HECW1: variants seen among roughly 807,000 people sequenced by gnomAD.
HECW1 encodes HECT, C2 and WW domain containing E3 ubiquitin protein ligase 1.
Under a neutral mutation model 182.3 loss-of-function variants are expected in HECW1, and 61 were observed. The observed-to-expected ratio is 0.33, with a 90% CI of 0.27 to 0.41. The LOEUF is 0.41. HECW1 is among the 10% of genes least tolerant of loss of function. The pLI is 1.00. For missense variants in HECW1, 1,739 were observed against 2,108.9 expected (o/e 0.82, Z 3.44); for synonymous variants, 859 against 832.6 (o/e 1.03, Z -0.55).
At chr7:43,281,894 C>T (rs534608613) in intron 3 of HECW1, among the ~76,000 whole-genome samples, 1 of 152,062 alleles carries the variant, frequency 6.6e-6, no homozygotes, top group East Asian at 1.9e-4. Context: ...TGGCATCCTG[C>T]ATGTGCAAGA....
At chr7:43,317,720 G>A (rs1287386824) in intron 4 of HECW1, among the ~76,000 whole-genome samples, 2 of 152,040 alleles carry the variant, frequency 1.3e-5, no homozygotes, top group Admixed American at 6.6e-5. Context: ...TTAGTGTGAG[G>A]GAAGGGGATG....
chr7:43,161,273 A>G (rs992595936), intron 2 of HECW1, among the ~76,000 whole-genome samples: 40 of 152,116 alleles, frequency 2.6e-4, no homozygotes, highest in African/African-American at 7.0e-4. Flanking sequence ...TATTGGTACA[A>G]TTATTTTTCA....
chr7:43,197,728 G>A (rs934402093), intron 2 of HECW1, among the ~76,000 whole-genome samples: 2 of 152,078 alleles, frequency 1.3e-5, no homozygotes, highest in African/African-American at 4.8e-5. Context: ...GCAGGTGGGG[G>A]ACTCTGACGA....
At chr7:43,429,967 C>T (rs946680654) in intron 8 of HECW1, among the ~76,000 whole-genome samples, 7 of 152,192 alleles carry the variant, frequency 4.6e-5, no homozygotes, top group Non-Finnish European at 8.8e-5. Context: ...ATCTAATCTC[C>T]ACTTCTAATT....
chr7:43,257,011 CA>C (rs1562743609), intron 3 of HECW1, among the ~76,000 whole-genome samples: 1 of 152,168 alleles, frequency 6.6e-6, no homozygotes, highest in Non-Finnish European at 1.5e-5. Flanking sequence ...TCTCCGTTCC[CA>C]AATTAACAGT....
chr7:43,434,737 G>T (rs1455875148), intron 8 of HECW1, among the ~76,000 whole-genome samples: 1 of 152,184 alleles, frequency 6.6e-6, no homozygotes, highest in Admixed American at 6.5e-5. Context: ...GGATGGGTGT[G>T]TGAAGAGAGT....
intron 29 of HECW1, among the ~76,000 whole-genome samples, chr7:43,560,249 C>G (rs1484098675): frequency 2.6e-5 from 4 of 152,172 alleles, no homozygotes; most frequent in Non-Finnish European, 5.9e-5. Context: ...TTACTGAGTT[C>G]CCTTTCACTC....
chr7:43,463,228 T>C (rs917314157), intron 13 of HECW1, among the ~76,000 whole-genome samples: 3 of 152,212 alleles, frequency 2.0e-5, no homozygotes, highest in Non-Finnish European at 2.9e-5. Flanking sequence ...CCCAATTATA[T>C]CAATTACCCG....
rs1798037877 is a variant in HECW1, at chr7:43,233,272, A to G, written c.-31-10603A>G. On this transcript the variant is annotated intron_variant, in intron 2 of 29. Coordinates refer to ENST00000395891, the MANE Select transcript of HECW1 (RefSeq NM_015052.5). ...ATTAGCCCTCCATATCCTATCACCAACTAACATAATTTATTTAGTCTCCAG... is the reference window on the plus strand; with the variant it reads ...ATTAGCCCTCCATATCCTATCACCAGCTAACATAATTTATTTAGTCTCCAG... Among the ~76,000 whole-genome samples, 6 of 152,210 alleles carry G rather than the reference A, an allele frequency of 3.9e-5. No individual in the cohort carries two copies. In the South Asian group the frequency reaches 1.2e-3, roughly 32 times the overall value.
chr7:43,296,136 C>A (rs1324617368), intron 3 of HECW1, among the ~76,000 whole-genome samples: 2 of 152,044 alleles, frequency 1.3e-5, no homozygotes, highest in Admixed American at 1.3e-4. Context: ...AAGAGGAATT[C>A]TTCTACTATA....
chr7:43,167,551 C>T (rs1791255621), intron 2 of HECW1, among the ~76,000 whole-genome samples: 1 of 152,214 alleles, frequency 6.6e-6, no homozygotes, highest in Non-Finnish European at 1.5e-5. Context: ...GAGGACATTA[C>T]AGAGGAACCT....
At chr7:43,337,924 C>A (rs1000468699) in intron 5 of HECW1, among the ~76,000 whole-genome samples, 8 of 152,180 alleles carry the variant, frequency 5.3e-5, no homozygotes, top group African/African-American at 1.9e-4. Context: ...GAATCAACTG[C>A]AACTGGGAGA....
chr7:43,165,420 G>T (rs927908117), intron 2 of HECW1, among the ~76,000 whole-genome samples: 19 of 151,636 alleles, frequency 1.3e-4, no homozygotes, highest in Non-Finnish European at 4.4e-5. Flanking sequence ...TTGTGTGTGT[G>T]CACACAGGTA....
chr7:43,457,190 G>C (rs2077429594), intron 13 of HECW1, among the ~76,000 whole-genome samples: 2 of 152,204 alleles, frequency 1.3e-5, no homozygotes, highest in Admixed American at 6.5e-5. Context: ...CAGTAAGCTA[G>C]TATAAAGCAT....
In HECW1 at chr7:43,480,640, CAT is replaced by C. The variant is rs200044868; in HGVS notation, c.3234+899_3234+900del. ...GTGTGTGTGCGTGTGTGTGTGTGTA[CAT>C]ATGTGTGTGTGTGTGTATATATATA... On this transcript the variant is annotated intron_variant, in intron 17 of 29. Coordinates refer to ENST00000395891, the MANE Select transcript of HECW1 (RefSeq NM_015052.5). 2.3e-3 allele frequency among the ~76,000 whole-genome samples: 342 copies of C among 147,806 alleles called. 2 individuals are homozygous for C. Among genetic ancestry groups the C allele is most frequent in the African/African-American group, 7.4e-3 (293 of 39,668 alleles).
rs529051887 is a variant in HECW1, at chr7:43,338,823, T to TA, written c.460+18094dup. 2.2e-3 allele frequency among the ~76,000 whole-genome samples: 306 copies of TA among 138,296 alleles called. 2 individuals are homozygous for TA. The highest frequency in any genetic ancestry group is 0.011 in the Middle Eastern group (3 of 274). The allele number at this position is 138,296 out of a possible 152,430, so 90.7% of individuals were successfully genotyped here. On this transcript the variant is annotated intron_variant, in intron 5 of 29. Coordinates refer to ENST00000395891, the MANE Select transcript of HECW1 (RefSeq NM_015052.5). Reference sequence around the variant, plus strand: ...GTTTCTGTCTGGGATCATTTTCCTCTAAAAAAAAAAAAAGAGTTCCCTTTA... The same window carrying TA: ...GTTTCTGTCTGGGATCATTTTCCTCTAAAAAAAAAAAAAAGAGTTCCCTTTA...
At chr7:43,401,464 C>T (rs1409457792) in intron 7 of HECW1, among the ~76,000 whole-genome samples, 1 of 151,418 alleles carries the variant, frequency 6.6e-6, no homozygotes, top group Non-Finnish European at 1.5e-5. Flanking sequence ...CTTCCTTGAG[C>T]TGAAGATAAT....
At chr7:43,459,974 G>A (rs34664394) in intron 13 of HECW1, among the ~76,000 whole-genome samples, 23 of 152,182 alleles carry the variant, frequency 1.5e-4, no homozygotes, top group Non-Finnish European at 1.9e-4. Flanking sequence ...TAATATTGCC[G>A]CATAGTCTTC....
rs1465159398 is a variant in HECW1 at position 43,564,848 on chromosome 7, G to A, written c.*2922G>A. The A allele has an allele frequency of 2.2e-5, 4 of 182,870 alleles. No homozygotes were observed. Among genetic ancestry groups the A allele is most frequent in the East Asian group, 8.9e-5 (1 of 11,246 alleles). 11.3% of individuals were successfully genotyped at this position (182,870 alleles called of 1,614,324 possible). A position where few individuals can be genotyped will look rare whatever the true frequency, so the allele number is the denominator to read the frequency against. On this transcript the variant is annotated 3_prime_UTR_variant, in exon 30 of 30. Transcript: ENST00000395891. Reference sequence around the variant, plus strand: ...TAAACCACCTTAAATTATATAGTTCGGCAGAAAGACAGATCTATTTGTTAC... The same window carrying A: ...TAAACCACCTTAAATTATATAGTTCAGCAGAAAGACAGATCTATTTGTTAC...
Sources: gnomAD v4.1 joint callset for allele counts (sites outside exome capture counted in the v4.1 genomes callset) on GRCh38, gnomAD v4.1.1 for gene constraint, MANE v1.5 for transcripts, NCBI Gene and HGNC (gene_info 2026-07-23, HGNC 2026-07-21) for gene names.